Variants in MRTFA observed in about 807,000 individuals in gnomAD.
MRTFA encodes myocardin-related transcription factor A.
A neutral mutation model predicts 83.5 loss-of-function variants in MRTFA; 20 were observed. That is an observed-to-expected ratio of 0.24 (90% CI 0.17 to 0.35). The LOEUF (loss-of-function observed/expected upper bound fraction) is 0.35, where lower values mean the gene tolerates loss of function less well. MRTFA is among the 10% of genes least tolerant of loss of function. MRTFA has a pLI of 1.00. For missense variants in MRTFA, 1,200 were observed against 1,224.7 expected, an observed-to-expected ratio of 0.98 and a Z score of 0.30; for synonymous variants, 659 against 541.2, an observed-to-expected ratio of 1.22 and a Z score of -3.02.
intron 1 of MRTFA, among the ~76,000 whole-genome samples, chr22:40,598,545 A>T (rs2056218683): frequency 6.6e-6 from 1 of 152,200 alleles, no homozygotes; most frequent in South Asian, 2.1e-4. Flanking sequence ...GAATCTGATT[A>T]CTAGTACAAT....
intron 3 of MRTFA, among the ~76,000 whole-genome samples, chr22:40,524,619 AGAT>A (rs2054931205): frequency 6.6e-6 from 1 of 152,216 alleles, no homozygotes; most frequent in South Asian, 2.1e-4. Context: ...CAGTTTAATG[AGAT>A]GGAGTGCCTC....
chr22:40,419,171 C>T lies in MRTFA; in HGVS notation c.1567G>A (p.Ala523Thr). 6.3e-7 allele frequency: 1 copy of T among 1,584,814 alleles called. No homozygotes were observed. The highest frequency in any genetic ancestry group is 8.6e-7 in the Non-Finnish European group (1 of 1,165,302). Residue 523 changes from alanine to threonine, a missense_variant, in exon 12 of 15, where the codon GCA becomes ACA. This residue lies in a region of MRTFA where 1,107 missense variants were observed against 1,041.8 expected (regional missense o/e 1.06). Coordinates refer to ENST00000355630, the MANE Select transcript of MRTFA (RefSeq NM_020831.6). ...ACCTCAGCTGGAGCCAGGCCTGCTG[C>T]CACCAGGGCTGGCCCCGTGCTCAGC...
rs71199286 is a variant in MRTFA, at chr22:40,432,687, GAA to G, written c.364-1209_364-1208del. ...AAGACTGGAAAAAAATGAAGAAAAAGAAAAAAAAAAAAAGACTTGTCCTCACC... is the reference window on the plus strand; with the variant it reads ...AAGACTGGAAAAAAATGAAGAAAAAGAAAAAAAAAAAGACTTGTCCTCACC... On this transcript the variant is annotated intron_variant, in intron 5 of 14. Coordinates refer to ENST00000355630, the MANE Select transcript of MRTFA (RefSeq NM_020831.6). 2.6e-3 allele frequency among the ~76,000 whole-genome samples: 376 copies of G among 145,554 alleles called. 1 individual carries two copies. Among genetic ancestry groups the G allele is most frequent in the African/African-American group, 8.2e-3 (325 of 39,856 alleles).
At chr22:40,454,476 A>G (rs370250163) in intron 4 of MRTFA, among the ~76,000 whole-genome samples, 4 of 152,116 alleles carry the variant, frequency 2.6e-5, no homozygotes, top group African/African-American at 4.8e-5. Context: ...GTGTGTGTGT[A>G]TATTAAAGCT....
In MRTFA at chr22:40,455,473, C is replaced by T. The variant is rs532953341; in HGVS notation, c.307+7748G>A. On this transcript the variant is annotated intron_variant, in intron 4 of 14. Transcript: ENST00000355630. ...CATCCTGGCTAACACGGTGAAACCC[C>T]GTCTCTACTAAAAATACAAAAAACT... is the stretch of plus-strand genomic sequence containing the variant. Among the ~76,000 whole-genome samples, 68 of 151,888 alleles carry T rather than the reference C, an allele frequency of 4.5e-4. 1 individual carries two copies. The South Asian group carries it at 4.8e-3, about 11-fold the overall frequency.
chr22:40,531,175 T>G (rs944767678), intron 3 of MRTFA, among the ~76,000 whole-genome samples: 3 of 151,806 alleles, frequency 2.0e-5, no homozygotes, highest in African/African-American at 7.3e-5. Context: ...CATAGCTTGT[T>G]GCAGCCTCGA....
chr22:40,522,998 C>T (rs2147262029), intron 3 of MRTFA: 1 of 152,118 alleles, frequency 6.6e-6, no homozygotes, highest in African/African-American at 2.4e-5. Context: ...ATTCTTAGCC[C>T]CCCGTCTGTT....
intron 3 of MRTFA, among the ~76,000 whole-genome samples, chr22:40,502,083 C>A (rs2054493987): frequency 7.1e-6 from 1 of 140,382 alleles, no homozygotes; most frequent in African/African-American, 2.7e-5. Flanking sequence ...CTGAGGGGCT[C>A]CTCACTTCCC....
chr22:40,472,520 C>T (rs2147169857), intron 3 of MRTFA, among the ~76,000 whole-genome samples: 1 of 152,190 alleles, frequency 6.6e-6, no homozygotes, highest in East Asian at 1.9e-4. Flanking sequence ...TTATTATTTC[C>T]ATGATCATTT....
At chr22:40,615,026 G>A (rs952084068) in intron 1 of MRTFA, among the ~76,000 whole-genome samples, 1 of 151,826 alleles carries the variant, frequency 6.6e-6, no homozygotes, top group East Asian at 1.9e-4. Context: ...CTTTTATGGT[G>A]AGTGCTCCTT....
chr22:40,472,415 C>G (rs2053930071), intron 3 of MRTFA, among the ~76,000 whole-genome samples: 1 of 152,116 alleles, frequency 6.6e-6, no homozygotes, highest in Non-Finnish European at 1.5e-5. Flanking sequence ...CAGTAAGTAG[C>G]CTTTCCTCTG....
intron 9 of MRTFA, 96 bp from the exon 10 acceptor site, chr22:40,421,196 A>C (rs1027516378): frequency 2.2e-6 from 3 of 1,372,100 alleles, no homozygotes; most frequent in Admixed American, 2.5e-5. Flanking sequence ...GCTTCTGAGA[A>C]GACATCCCCA....
At chr22:40,605,465 G>C (rs1007088532) in intron 1 of MRTFA, among the ~76,000 whole-genome samples, 5 of 152,200 alleles carry the variant, frequency 3.3e-5, no homozygotes, top group African/African-American at 1.2e-4. Flanking sequence ...GGTGAGATCA[G>C]CAAAGATACA....
chr22:40,477,707 G>C (rs2054021645), intron 3 of MRTFA, among the ~76,000 whole-genome samples: 1 of 151,716 alleles, frequency 6.6e-6, no homozygotes, highest in Admixed American at 6.6e-5. Context: ...AAGGTAAAAT[G>C]ATCTTATATC....
chr22:40,561,344 AGCCAG>A (rs1430869049), intron 2 of MRTFA, among the ~76,000 whole-genome samples: 2 of 152,096 alleles, frequency 1.3e-5, no homozygotes, highest in African/African-American at 4.8e-5. Context: ...TGAGGAAAAC[AGCCAG>A]GCATGGTGAT....
chr22:40,538,985 CTTTTGTT>C (rs1405834857), intron 3 of MRTFA, among the ~76,000 whole-genome samples: 5 of 106,888 alleles, frequency 4.7e-5, no homozygotes, highest in East Asian at 3.3e-4. Flanking sequence ...GATACACAGC[CTTTTGTT>C]TTTTTTTTTT....
chr22:40,418,609 T>C lies in MRTFA; in HGVS notation c.2129A>G (p.Asp710Gly). 1 of 1,535,064 alleles carries C rather than the reference T, an allele frequency of 6.5e-7. No homozygotes were observed. The highest frequency in any genetic ancestry group is 2.3e-5 in the East Asian group (1 of 44,184). Residue 710 changes from aspartate to glycine, a missense_variant, in exon 12 of 15, where the codon GAC becomes GGC. By Grantham distance (94) the Asp-to-Gly change is moderately conservative. Transcript: ENST00000355630. ...GGGCCCCGGGGCCACAGCACAAGGG[T>C]CTATGTGGTTGGTGGCTGGGGCCGC...
chr22:40,584,623 C>G (rs2055999985), intron 2 of MRTFA, among the ~76,000 whole-genome samples: 1 of 151,526 alleles, frequency 6.6e-6, no homozygotes, highest in Non-Finnish European at 1.5e-5. Flanking sequence ...GTAATCCCAG[C>G]TACTCGGGAG....
chr22:40,499,130 A>C (rs2054412027), intron 3 of MRTFA, among the ~76,000 whole-genome samples: 2 of 152,228 alleles, frequency 1.3e-5, no homozygotes, highest in Non-Finnish European at 2.9e-5. Flanking sequence ...TTCTAAATTC[A>C]CATCTTAGTG....
Sources: gnomAD v4.1 joint callset for allele counts (sites outside exome capture counted in the v4.1 genomes callset) on GRCh38, gnomAD v4.1.1 for gene constraint, gnomAD v4.1.1 regional missense constraint, MANE v1.5 for transcripts, NCBI Gene and HGNC (gene_info 2026-07-23, HGNC 2026-07-21) for gene names.